The following MROH2B variants were observed in gnomAD, a reference collection of about 807,000 sequenced individuals.
MROH2B encodes the protein maestro heat like repeat family member 2B.
Under a neutral mutation model 208.6 loss-of-function variants are expected in MROH2B, and 177 were observed. The ratio of observed to expected loss-of-function variants is 0.85; its 90% confidence interval spans 0.75 to 0.96. The LOEUF (loss-of-function observed/expected upper bound fraction) is 0.96. Ranked by LOEUF, MROH2B falls within the 40% of genes least tolerant of loss-of-function variation. MROH2B has a pLI of 0.00. For synonymous variants in MROH2B, 728 were observed against 659.0 expected, an observed-to-expected ratio of 1.10 and a Z score of -1.60; for missense variants, 2,002 against 1,878.7, an observed-to-expected ratio of 1.07 and a Z score of -1.21.
Position 41,049,141 on chromosome 5 carries a change from A to G in MROH2B, c.1502T>C (p.Val501Ala), listed in dbSNP as rs1251241146. 2 of 1,601,230 alleles carry G rather than the reference A, an allele frequency of 1.2e-6. No homozygotes were observed. The highest frequency in any genetic ancestry group is 1.7e-6 in the Non-Finnish European group (2 of 1,173,192). ...STALVVSTGA[V>A]KLPSPQQLLA... Reference sequence around the variant, plus strand: ...TAGCTGCTGTGGTGAAGGAAGTTTCACTAGAAAGAGAAAGCAATTTTCATC... The same window carrying G: ...TAGCTGCTGTGGTGAAGGAAGTTTCGCTAGAAAGAGAAAGCAATTTTCATC... The change falls in exon 15 of 42, where the codon GTG becomes GCG. Residue 501 changes from valine to alanine, a missense_variant and splice_region_variant. Coordinates refer to ENST00000399564, the MANE Select transcript of MROH2B (RefSeq NM_173489.5).
At chr5:41,061,927 C>G (rs1197183971) in intron 5 of MROH2B, among the ~76,000 whole-genome samples, 1 of 152,044 alleles carries the variant, frequency 6.6e-6, no homozygotes, top group Admixed American at 6.5e-5. Flanking sequence ...CACTACTATC[C>G]AGAATGTCTA....
intron 11 of MROH2B, among the ~76,000 whole-genome samples, chr5:41,053,768 T>C (rs1463984932): frequency 1.3e-5 from 2 of 152,204 alleles, no homozygotes; most frequent in Non-Finnish European, 2.9e-5. Flanking sequence ...GGCCAGGTTT[T>C]TTTGTATAAT....
intron 24 of MROH2B, among the ~76,000 whole-genome samples, chr5:41,027,659 AC>A (rs1422947203): frequency 6.6e-6 from 1 of 152,196 alleles, no homozygotes; most frequent in Non-Finnish European, 1.5e-5. Context: ...AACTAGAATT[AC>A]TGTTTGACCC....
At chr5:41,048,543 G>C in intron 15 of MROH2B, 78 bp from the exon 16 acceptor site, 1 of 1,417,994 alleles carries the variant, frequency 7.1e-7, no homozygotes. Context: ...TTTTACCATT[G>C]TTCCAATTCC....
At chr5:41,044,066 C>T (rs373986625) in intron 18 of MROH2B, among the ~76,000 whole-genome samples, 8 of 143,448 alleles carry the variant, frequency 5.6e-5, no homozygotes, top group African/African-American at 1.3e-4. Context: ...GGTGAAACCC[C>T]GTCTCTACTA....
At chr5:41,011,921 G>A (rs1365301373) in intron 30 of MROH2B, among the ~76,000 whole-genome samples, 1 of 152,140 alleles carries the variant, frequency 6.6e-6, no homozygotes, top group East Asian at 1.9e-4. Flanking sequence ...ACCTGCCTTG[G>A]CCTCCCAAAG....
chr5:41,022,918 T>C (rs1318171148), intron 24 of MROH2B, among the ~76,000 whole-genome samples: 1 of 149,030 alleles, frequency 6.7e-6, no homozygotes, highest in Non-Finnish European at 1.5e-5. Context: ...CCGCTGCTGA[T>C]AACCAGGCAA....
intron 24 of MROH2B, among the ~76,000 whole-genome samples, chr5:41,023,710 C>G (rs1742244121): frequency 1.3e-5 from 2 of 151,996 alleles, no homozygotes; most frequent in South Asian, 4.1e-4. Context: ...TTGAGAAGAG[C>G]AACTCCAAGA....
rs765240238 is a variant in MROH2B at position 41,065,364 on chromosome 5, C to A, written c.328G>T (p.Val110Leu). 7.4e-6 allele frequency: 12 copies of A among 1,613,136 alleles called. No individual in the cohort carries two copies. Among genetic ancestry groups the A allele is most frequent in the African/African-American group, 1.3e-5 (1 of 74,892 alleles). ...GTTGCCAATTCAGCCAGGGCAAGCA[C>A]AACGAATTCATCTGGTAGCTCTAAG... ...RILELPDEFVVLALAELATSY... is the reference protein window; with the variant it reads ...RILELPDEFVLLALAELATSY... Residue 110 changes from valine (V) to leucine (L), a missense_variant, in exon 4 of 42, where the codon GTG becomes TTG. Coordinates refer to ENST00000399564, the MANE Select transcript of MROH2B (RefSeq NM_173489.5).
At chr5:41,012,540 T>C in intron 30 of MROH2B, 43 bp downstream of exon 30, 1 of 1,581,614 alleles carries the variant, frequency 6.3e-7, no homozygotes, top group African/African-American at 1.4e-5. Context: ...ATTTCAGAAG[T>C]GATAGAAATC....
At position 41,002,961 on chromosome 5, in the gene MROH2B, CTT is replaced by C. The variant is rs200774331; in HGVS notation, c.4194+1383_4194+1384del. Among the ~76,000 whole-genome samples, 904 of 136,420 alleles carry C rather than the reference CTT, an allele frequency of 6.6e-3. 6 individuals carry two copies. The highest frequency in any genetic ancestry group is 0.019 in the African/African-American group (695 of 37,274). 89.5% of individuals were successfully genotyped at this position (136,420 alleles called of 152,430 possible). The stretch of plus-strand genomic sequence containing the variant: ...TTGAGGACAAGATAATTAAAAATTG[CTT>C]TTTTTTTTTTTTTTGAGATGGAGTT... On this transcript the variant is annotated intron_variant, in intron 37 of 41. Coordinates refer to ENST00000399564, the MANE Select transcript of MROH2B (RefSeq NM_173489.5).
chr5:41,036,619 C>T (rs1452941533), intron 21 of MROH2B, among the ~76,000 whole-genome samples: 2 of 151,916 alleles, frequency 1.3e-5, no homozygotes, highest in African/African-American at 4.8e-5. Context: ...GGGCAGAAAA[C>T]CAAATAAGTG....
chr5:41,043,269 CTCAA>C (rs1324462872), intron 18 of MROH2B, among the ~76,000 whole-genome samples: 1 of 152,164 alleles, frequency 6.6e-6, no homozygotes, highest in Non-Finnish European at 1.5e-5. Flanking sequence ...TGACAGTGGC[CTCAA>C]TCAGAGTGAG....
intron 6 of MROH2B, among the ~76,000 whole-genome samples, chr5:41,060,151 C>T (rs1250203919): frequency 4.6e-5 from 7 of 152,158 alleles, no homozygotes; most frequent in African/African-American, 1.7e-4. Flanking sequence ...ATGCCAAGTC[C>T]TGGTCATTCT....
At chr5:41,009,190 TTAA>T (rs1359989069) in intron 32 of MROH2B, 87 bp downstream of exon 32, 2 of 1,522,534 alleles carry the variant, frequency 1.3e-6, no homozygotes, top group African/African-American at 2.7e-5. Context: ...GGAGGTGTCA[TTAA>T]TGTGACAGCA....
At chr5:41,052,350 T>G in intron 12 of MROH2B, 115 bp downstream of exon 12, 1 of 1,001,598 alleles carries the variant, frequency 1.0e-6, no homozygotes, top group African/African-American at 1.7e-5. Flanking sequence ...ATTTATTTAT[T>G]TTTTACTCTA....
chr5:41,047,335 G>A (rs932234221), intron 17 of MROH2B, among the ~76,000 whole-genome samples: 3 of 152,104 alleles, frequency 2.0e-5, no homozygotes, highest in Non-Finnish European at 2.9e-5. Flanking sequence ...ACAAATAGAA[G>A]AGGAAATACA....
Position 41,012,674 on chromosome 5 carries a change from C to A in MROH2B, c.3044G>T (p.Gly1015Val). 1 of 1,613,888 alleles carries A rather than the reference C, an allele frequency of 6.2e-7. No homozygotes were observed. Among genetic ancestry groups the A allele is most frequent in the Non-Finnish European group, 8.5e-7 (1 of 1,179,802 alleles). Reference protein sequence around the residue: ...ILMFLEEMLDGLESLNPTCTK... With the variant: ...ILMFLEEMLDVLESLNPTCTK... Reference sequence around the variant, plus strand: ...ACAAGTGGGGTTGAGGCTCTCCAGACCGTCCAGCATTTCCTCTAGGAACAT... The same window carrying A: ...ACAAGTGGGGTTGAGGCTCTCCAGAACGTCCAGCATTTCCTCTAGGAACAT... The change falls in exon 30 of 42, where the codon GGT becomes GTT. Residue 1015 changes from glycine (G) to valine (V), a missense_variant. Gly to Val is a moderately radical substitution (Grantham distance 109). Transcript: ENST00000399564.
At chr5:41,005,413 A>AGCCCCCCCCCC (rs35848875) in intron 35 of MROH2B, 118 bp downstream of exon 35, 4 of 204,604 alleles carry the variant, frequency 2.0e-5, no homozygotes, top group Admixed American at 1.3e-4. Context: ...CCTCTATGAA[A>AGCCCCCCCCCC]CCCCCCCCCC....
Sources: gnomAD v4.1 joint callset for allele counts (sites outside exome capture counted in the v4.1 genomes callset) on GRCh38, gnomAD v4.1.1 for gene constraint, MANE v1.5 for transcripts, NCBI Gene and HGNC (gene_info 2026-07-23, HGNC 2026-07-21) for gene names.